The following BEGAIN variants were observed in gnomAD, a reference collection of about 807,000 sequenced individuals.
BEGAIN encodes the protein brain enriched guanylate kinase associated, also known as brain-enriched guanylate kinase-associated protein.
In BEGAIN, 19 loss-of-function variants were observed where a neutral mutation model predicts 35.8. The ratio of observed to expected loss-of-function variants is 0.53; its 90% CI spans 0.37 to 0.78. BEGAIN has a LOEUF of 0.78. Ranked by LOEUF, BEGAIN falls within the 30% of genes least tolerant of loss-of-function variation. The pLI, the probability that BEGAIN is intolerant of heterozygous loss-of-function variation, is 0.00. For missense variants in BEGAIN, 795 were observed against 853.6 expected (o/e 0.93, Z 0.85); for synonymous variants, 462 against 388.6 (o/e 1.19, Z -2.22).
intron 2 of BEGAIN, among the ~76,000 whole-genome samples, chr14:100,552,007 G>A (rs2033254974): frequency 6.6e-6 from 1 of 152,258 alleles, no homozygotes; most frequent in African/African-American, 2.4e-5. Flanking sequence ...GCGTTCGCTC[G>A]AGGCTGCCAG....
At chr14:100,564,538 G>A (rs1173133967) in intron 2 of BEGAIN, among the ~76,000 whole-genome samples, 2 of 152,146 alleles carry the variant, frequency 1.3e-5, no homozygotes, top group South Asian at 2.1e-4. Context: ...AGAGCCAGCC[G>A]GGACTTGGTA....
intron 6 of BEGAIN, chr14:100,540,276 G>A: frequency 1.8e-6 from 1 of 568,256 alleles, no homozygotes; most frequent in Non-Finnish European, 3.1e-6. Context: ...GGGCCAAAGG[G>A]ACTCTGGTGA....
chr14:100,542,743 C>T (rs1423404664), intron 5 of BEGAIN, among the ~76,000 whole-genome samples: 1 of 152,242 alleles, frequency 6.6e-6, no homozygotes, highest in Non-Finnish European at 1.5e-5. Flanking sequence ...ATCTGAGCCA[C>T]CATCATCTTT....
intron 2 of BEGAIN, among the ~76,000 whole-genome samples, chr14:100,551,278 C>T (rs1055006917): frequency 3.9e-5 from 6 of 152,170 alleles, no homozygotes; most frequent in Admixed American, 2.6e-4. Flanking sequence ...AGCGCCCAGA[C>T]GAGTGCCCTC....
Position 100,538,978 on chromosome 14 carries a change from C to T in BEGAIN, c.830G>A (p.Arg277Gln), listed in dbSNP as rs929302969. 3.1e-6 allele frequency: 5 copies of T among 1,610,102 alleles called. No homozygotes were observed. Among genetic ancestry groups the T allele is most frequent in the East Asian group, 4.5e-5 (2 of 44,806 alleles). Reference sequence around the variant, plus strand: ...CGCGCTGTCAGTGGAGTTCTGGGCCCGCAGGAAGCCCACGTCGGTCACGGG... The same window carrying T: ...CGCGCTGTCAGTGGAGTTCTGGGCCTGCAGGAAGCCCACGTCGGTCACGGG... Reference protein sequence around the residue: ...DAPVTDVGFLRAQNSTDSAAE... With the variant: ...DAPVTDVGFLQAQNSTDSAAE... The change falls in exon 7 of 7, where the codon CGG (arginine) becomes CAG (glutamine). Residue 277 changes from arginine (R) to glutamine (Q), a missense_variant. Around this residue, in one of 3 missense-constraint regions of BEGAIN, gnomAD observed 664 missense variants for 647.7 expected, o/e 1.03. Transcript: ENST00000554140.
At chr14:100,565,857 AG>A (rs34306030) in intron 2 of BEGAIN, among the ~76,000 whole-genome samples, 1,828 of 152,296 alleles carry the variant, frequency 0.012, 38 homozygotes, top group African/African-American at 0.042. Context: ...AGGCCCAACC[AG>A]GGCCAGGACT....
intron 1 of BEGAIN, among the ~76,000 whole-genome samples, chr14:100,575,156 T>C (rs973967837): frequency 1.3e-5 from 2 of 152,120 alleles, no homozygotes; most frequent in Non-Finnish European, 2.9e-5. Flanking sequence ...AAGTGGTTCA[T>C]GGTGGAGCCC....
chr14:100,581,345 C>T (rs1163073298), intron 1 of BEGAIN, among the ~76,000 whole-genome samples: 3 of 152,196 alleles, frequency 2.0e-5, no homozygotes, highest in Non-Finnish European at 4.4e-5. Flanking sequence ...GTCATAACAA[C>T]CTGCTGGCTC....
Position 100,568,930 on chromosome 14 carries a change from C to T in BEGAIN, c.43-991G>A. On this transcript the variant is annotated intron_variant, in intron 1 of 6. Coordinates refer to ENST00000554140, the MANE Select transcript of BEGAIN (RefSeq NM_001385089.1). This position sits in a 1 kb window ranked among gnomAD's most constrained non-coding sequence, Gnocchi z 7.5. Reference sequence around the variant, plus strand: ...AGACTGATGACTGCCCATCCCGGCCCCTCGCGCCGGGCGCCGCCGCCGCGT... The same window carrying T: ...AGACTGATGACTGCCCATCCCGGCCTCTCGCGCCGGGCGCCGCCGCCGCGT... 1.0e-6 allele frequency: 1 copy of T among 983,876 alleles called. No individual in the cohort carries two copies. The highest frequency in any genetic ancestry group is 1.2e-6 in the Non-Finnish European group (1 of 829,474). The allele number at this position is 983,876 out of a possible 1,614,324, so 60.9% of individuals were successfully genotyped here.
intron 1 of BEGAIN, among the ~76,000 whole-genome samples, chr14:100,582,964 G>C (rs1018259740): frequency 2.6e-5 from 4 of 151,292 alleles, no homozygotes; most frequent in African/African-American, 9.7e-5. Context: ...GGGAAATCAA[G>C]GCATGAGTGA....
chr14:100,564,332 T>C (rs970023284), intron 2 of BEGAIN, among the ~76,000 whole-genome samples: 4 of 151,634 alleles, frequency 2.6e-5, no homozygotes, highest in African/African-American at 9.7e-5. Flanking sequence ...CAAACAGGAG[T>C]AGCTCTGGGC....
At chr14:100,554,799 TACCAAG>T (rs2033545630) in intron 2 of BEGAIN, among the ~76,000 whole-genome samples, 1 of 152,224 alleles carries the variant, frequency 6.6e-6, no homozygotes, top group African/African-American at 2.4e-5. Context: ...CTCCTCTCTG[TACCAAG>T]ACTAAAAGGC....
chr14:100,565,483 C>A (rs991831397), intron 2 of BEGAIN, among the ~76,000 whole-genome samples: 9 of 152,140 alleles, frequency 5.9e-5, no homozygotes, highest in Non-Finnish European at 1.3e-4. Flanking sequence ...TGCTCTTCAG[C>A]AAATATTTAC....
chr14:100,557,563 G>T (rs961872559), intron 2 of BEGAIN, among the ~76,000 whole-genome samples: 1 of 152,104 alleles, frequency 6.6e-6, no homozygotes, highest in African/African-American at 2.4e-5. Flanking sequence ...CACTGGCCTT[G>T]CCCTCACTTG....
At chr14:100,542,918 GC>G (rs1340848003) in intron 5 of BEGAIN, among the ~76,000 whole-genome samples, 2 of 152,186 alleles carry the variant, frequency 1.3e-5, no homozygotes, top group African/African-American at 4.8e-5. Context: ...TCAGAATAAA[GC>G]CCAGGTTTCT....
chr14:100,548,082 G>A (rs1030293619), intron 2 of BEGAIN: 4 of 152,186 alleles, frequency 2.6e-5, no homozygotes, highest in African/African-American at 9.7e-5. Flanking sequence ...GAAGGGCAGG[G>A]CGGGTCTTCC....
intron 1 of BEGAIN, among the ~76,000 whole-genome samples, chr14:100,583,665 T>TTC (rs961069183): frequency 6.6e-6 from 1 of 150,488 alleles, no homozygotes; most frequent in Non-Finnish European, 1.5e-5. Flanking sequence ...TTTTCTTTCT[T>TTC]TCTCTCTCTC....
chr14:100,549,783 A>T (rs2032989328), intron 2 of BEGAIN: 1 of 152,364 alleles, frequency 6.6e-6, no homozygotes, highest in African/African-American at 2.4e-5. Flanking sequence ...TCTGGGGGAA[A>T]CTGCTGGAGG....
chr14:100,567,779 C>G lies in BEGAIN; in HGVS notation c.71+132G>C, dbSNP rs2034830512. ...ACGCACCACACACACGCACCTGGCC[C>G]GCAGCCCCGCCGAGGCCGCCCGCGG... On this transcript the variant is annotated intron_variant, in intron 2 of 6. Coordinates refer to ENST00000554140, the MANE Select transcript of BEGAIN (RefSeq NM_001385089.1). The surrounding 1 kb of genome is among the most constrained non-coding windows in gnomAD (Gnocchi z 5.1). 1 of 910,456 alleles carries G rather than the reference C, an allele frequency of 1.1e-6. No individual in the cohort carries two copies. The highest frequency in any genetic ancestry group is 1.5e-6 in the Non-Finnish European group (1 of 676,134). The allele number at this position is 910,456 out of a possible 1,614,324, so 56.4% of individuals were successfully genotyped here. A position where few individuals can be genotyped will look rare whatever the true frequency, so the allele number is the denominator to read the frequency against.
Sources: gnomAD v4.1 joint callset for allele counts (sites outside exome capture counted in the v4.1 genomes callset) on GRCh38, gnomAD v4.1.1 for gene constraint, gnomAD v4.1.1 regional missense constraint, Gnocchi (gnomAD v3.1) non-coding constraint, MANE v1.5 for transcripts, NCBI Gene and HGNC (gene_info 2026-07-23, HGNC 2026-07-21) for gene names.